Variants in SEPTIN9 observed in about 807,000 individuals in gnomAD.
SEPTIN9 encodes the protein septin-9.
Under a neutral mutation model 56.6 loss-of-function variants are expected in SEPTIN9, and 13 were observed. The ratio of observed to expected loss-of-function variants is 0.23; its 90% CI spans 0.15 to 0.37. The LOEUF is 0.37. SEPTIN9 is among the 10% of genes least tolerant of loss of function. The probability of loss-of-function intolerance (pLI) is 1.00; values close to 1 mark genes in which losing one functional copy is unlikely to be tolerated. For synonymous variants in SEPTIN9, 332 were observed against 334.1 expected (o/e 0.99, Z 0.07); for missense variants, 650 against 823.1 (o/e 0.79, Z 2.57).
intron 3 of SEPTIN9, among the ~76,000 whole-genome samples, chr17:77,415,306 T>G (rs545339963): frequency 2.2e-4 from 33 of 152,204 alleles, no homozygotes; most frequent in African/African-American, 7.9e-4. Context: ...CGGTAATGTT[T>G]GTTTATTCAA....
intron 2 of SEPTIN9, among the ~76,000 whole-genome samples, chr17:77,336,085 T>G (rs2033543054): frequency 6.6e-6 from 1 of 152,070 alleles, no homozygotes; most frequent in Non-Finnish European, 1.5e-5. Context: ...GGCCCTGTGT[T>G]GAGACACTAT....
At chr17:77,293,635 T>C (rs145735432) in intron 1 of SEPTIN9, among the ~76,000 whole-genome samples, 2 of 152,200 alleles carry the variant, frequency 1.3e-5, no homozygotes, top group African/African-American at 4.8e-5. Context: ...AATGAGAAAA[T>C]AAATAACAGC....
chr17:77,402,497 T>C lies in SEPTIN9; in HGVS notation c.515T>C (p.Val172Ala), dbSNP rs752469248. 6.2e-7 allele frequency: 1 copy of C among 1,603,402 alleles called. No individual in the cohort carries two copies. The highest frequency in any genetic ancestry group is 1.1e-5 in the South Asian group (1 of 89,586). The change falls in exon 3 of 12, where the codon GTC becomes GCC. Residue 172 changes from valine to alanine, a missense_variant. Around this residue, in one of 2 missense-constraint regions of SEPTIN9, gnomAD observed 317 missense variants for 329.1 expected, o/e 0.96. Coordinates refer to ENST00000427177, the MANE Select transcript of SEPTIN9 (RefSeq NM_001113491.2). This position sits in a 1 kb window ranked among gnomAD's most constrained non-coding sequence, Gnocchi z 6.6. Reference sequence around the variant, plus strand: ...AGGATGGAGCCCCCTGCCTCCAAGGTCCCCGAGGTGCCCACTGCCCCTGCC... The same window carrying C: ...AGGATGGAGCCCCCTGCCTCCAAGGCCCCCGAGGTGCCCACTGCCCCTGCC... ...HRRMEPPASK[V>A]PEVPTAPATD...
At chr17:77,297,011 A>G (rs1370462599) in intron 1 of SEPTIN9, among the ~76,000 whole-genome samples, 1 of 152,194 alleles carries the variant, frequency 6.6e-6, no homozygotes, top group African/African-American at 2.4e-5. Context: ...TAGATAGAAG[A>G]TAGATGGTGG....
At chr17:77,362,666 T>C (rs1363601700) in intron 2 of SEPTIN9, among the ~76,000 whole-genome samples, 2 of 152,356 alleles carry the variant, frequency 1.3e-5, no homozygotes, top group East Asian at 3.9e-4. Flanking sequence ...TCTGAGCTGA[T>C]GCTGCTGTAT....
chr17:77,288,007 G>A (rs902191311), intron 1 of SEPTIN9: 42 of 1,060,342 alleles, frequency 4.0e-5, no homozygotes, highest in Non-Finnish European at 4.8e-5. Flanking sequence ...CTGGGTGAGA[G>A]GAACCCTGGA....
chr17:77,316,505 C>T (rs746640101), intron 2 of SEPTIN9, among the ~76,000 whole-genome samples: 2 of 152,168 alleles, frequency 1.3e-5, no homozygotes, highest in Non-Finnish European at 2.9e-5. Flanking sequence ...CCGTCAAACC[C>T]ATAGTGTGCA....
At chr17:77,399,758 G>A (rs1344569325) in intron 2 of SEPTIN9, among the ~76,000 whole-genome samples, 7 of 152,090 alleles carry the variant, frequency 4.6e-5, no homozygotes. Flanking sequence ...TTGGGGCCCT[G>A]GGGCTTCTGC....
rs139340887 is a variant in SEPTIN9 at position 77,343,003 on chromosome 17, G to GTCTATCTATCTATCTA, written c.76+35831_76+35846dup. Among the ~76,000 whole-genome samples the GTCTATCTATCTATCTA allele has an allele frequency of 6.8e-3, 1,003 of 147,236 alleles. 2 individuals carry two copies. The highest frequency in any genetic ancestry group is 0.013 in the Admixed American group (191 of 14,754). On this transcript the variant is annotated intron_variant, in intron 2 of 11. Coordinates refer to ENST00000427177, the MANE Select transcript of SEPTIN9 (RefSeq NM_001113491.2). Reference sequence around the variant, plus strand: ...AATCAATGTATCTGTCTGTCTGTCTGTCTATCTATCTATCTATCTATCTAT... The same window carrying GTCTATCTATCTATCTA: ...AATCAATGTATCTGTCTGTCTGTCTGTCTATCTATCTATCTATCTATCTATCTATCTATCTATCTAT...
rs977489015 is a variant in SEPTIN9, at chr17:77,371,883, T to C, written c.77-30176T>C. Among the ~76,000 whole-genome samples the C allele has an allele frequency of 2.6e-5, 4 of 152,234 alleles. No homozygotes were observed. Among genetic ancestry groups the C allele is most frequent in the Admixed American group, 1.3e-4 (2 of 15,282 alleles). On this transcript the variant is annotated intron_variant, in intron 2 of 11. Transcript: ENST00000427177. This position sits in a 1 kb window ranked among gnomAD's most constrained non-coding sequence, Gnocchi z 4.1. Reference sequence around the variant, plus strand: ...CCTGCTTTTCTTAAAAAGGAAGGACTTGATTTCATCTACTTAAAAAGCCAC... The same window carrying C: ...CCTGCTTTTCTTAAAAAGGAAGGACCTGATTTCATCTACTTAAAAAGCCAC...
intron 1 of SEPTIN9, among the ~76,000 whole-genome samples, chr17:77,284,909 TGA>T (rs1041368445): frequency 6.6e-6 from 1 of 152,194 alleles, no homozygotes; most frequent in African/African-American, 2.4e-5. Context: ...ATTACAGGCA[TGA>T]GCCACCACGC....
Position 77,475,706 on chromosome 17 carries a change from GAA to G in SEPTIN9, c.722-6437_722-6436del, listed in dbSNP as rs772218048. 6.2e-7 allele frequency: 1 copy of G among 1,613,526 alleles called. No individual in the cohort carries two copies. Among genetic ancestry groups the G allele is most frequent in the East Asian group, 2.2e-5 (1 of 44,878 alleles). Reference sequence around the variant, plus strand: ...CTGGGCCGGGGTGGATGGAGGCAAGGAAGTCTTCGCCGGGGCAAGGGCACCAG... The same window carrying G: ...CTGGGCCGGGGTGGATGGAGGCAAGGGTCTTCGCCGGGGCAAGGGCACCAG... On this transcript the variant is annotated intron_variant, in intron 3 of 11. Transcript: ENST00000427177. This position sits in a 1 kb window ranked among gnomAD's most constrained non-coding sequence, Gnocchi z 4.6.
At chr17:77,373,608 T>C in intron 2 of SEPTIN9, 1 of 1,527,756 alleles carries the variant, frequency 6.5e-7, no homozygotes, top group Non-Finnish European at 8.8e-7. Context: ...ACCCTGCGGG[T>C]GGGCCTGGCG....
At chr17:77,336,005 C>CG (rs58941489) in intron 2 of SEPTIN9, among the ~76,000 whole-genome samples, 1 of 117,906 alleles carries the variant, frequency 8.5e-6, no homozygotes, top group Non-Finnish European at 1.9e-5. Context: ...AGTATATGTA[C>CG]TGTATACATG....
chr17:77,374,524 G>T (rs1412333077), intron 2 of SEPTIN9: 1 of 152,238 alleles, frequency 6.6e-6, no homozygotes, highest in Non-Finnish European at 1.5e-5. Context: ...GGGACCTGGA[G>T]CCCCCGCCCC....
chr17:77,325,398 G>A (rs542019760), intron 2 of SEPTIN9, among the ~76,000 whole-genome samples: 5 of 152,320 alleles, frequency 3.3e-5, no homozygotes, highest in East Asian at 1.9e-4. Flanking sequence ...AGCTGGTTCC[G>A]CTGGGTGGCG....
intron 1 of SEPTIN9, among the ~76,000 whole-genome samples, chr17:77,302,369 T>C (rs921540846): frequency 5.9e-5 from 9 of 151,658 alleles, no homozygotes; most frequent in Non-Finnish European, 8.8e-5. Context: ...ATTATATGCA[T>C]TGGGGAAAGT....
At chr17:77,386,355 G>A (rs764584853) in intron 2 of SEPTIN9, among the ~76,000 whole-genome samples, 19 of 152,110 alleles carry the variant, frequency 1.2e-4, no homozygotes, top group Non-Finnish European at 2.1e-4. Context: ...TGTAGCCCAC[G>A]CTGTCCGGGA....
At chr17:77,289,149 T>G (rs1382398091) in intron 1 of SEPTIN9, among the ~76,000 whole-genome samples, 1 of 152,156 alleles carries the variant, frequency 6.6e-6, no homozygotes, top group Non-Finnish European at 1.5e-5. Context: ...CAGGCTGGAG[T>G]GTGGTGGCTC....
Sources: gnomAD v4.1 joint callset for allele counts (sites outside exome capture counted in the v4.1 genomes callset) on GRCh38, gnomAD v4.1.1 for gene constraint, gnomAD v4.1.1 regional missense constraint, Gnocchi (gnomAD v3.1) non-coding constraint, MANE v1.5 for transcripts, NCBI Gene and HGNC (gene_info 2026-07-23, HGNC 2026-07-21) for gene names.